Variants in BST1 observed in about 807,000 individuals in gnomAD.
The protein encoded by BST1 is ADP-ribosyl cyclase/cyclic ADP-ribose hydrolase 2.
BST1 carries 49 observed loss-of-function variants against 40.6 expected under a neutral mutation model. The ratio of observed to expected loss-of-function variants is 1.21; its 90% CI spans 0.96 to 1.53. BST1 has a LOEUF of 1.53. Among genes scored for constraint, BST1 ranks in the 40% most tolerant of loss-of-function variants. BST1 has a pLI of 0.00. For synonymous variants in BST1, 157 were observed against 159.3 expected (o/e 0.99, Z 0.11); for missense variants, 423 against 395.9 (o/e 1.07, Z -0.58).
intron 7 of BST1, among the ~76,000 whole-genome samples, chr4:15,722,262 C>T (rs116405592): frequency 6.6e-6 from 1 of 152,214 alleles, no homozygotes; most frequent in African/African-American, 2.4e-5. Context: ...ACTGTGAGAA[C>T]TTGGGTGGGT....
the BST1 span, among the ~76,000 whole-genome samples, chr4:15,756,869 A>C: frequency 6.6e-6 from 1 of 152,180 alleles, no homozygotes; most frequent in Non-Finnish European, 1.5e-5. Flanking sequence ...AAGATGTGCC[A>C]CCCCAAAATA....
downstream of BST1, among the ~76,000 whole-genome samples, chr4:15,734,537 G>A (rs746517258): frequency 1.3e-5 from 2 of 151,960 alleles, no homozygotes; most frequent in Non-Finnish European, 2.9e-5. Context: ...AAACTTAGGG[G>A]TTTACATAGC....
At chr4:15,726,748 C>T (rs1480113875) in intron 8 of BST1, among the ~76,000 whole-genome samples, 1 of 152,110 alleles carries the variant, frequency 6.6e-6, no homozygotes, top group Non-Finnish European at 1.5e-5. Flanking sequence ...CCCACTGCAC[C>T]CTACACCACC....
chr4:15,758,912 C>T, the BST1 span, among the ~76,000 whole-genome samples: 2 of 151,964 alleles, frequency 1.3e-5, no homozygotes, highest in African/African-American at 2.4e-5. Flanking sequence ...AACCTGCATG[C>T]TGGTGTTGTC....
chr4:15,768,971 T>C, the BST1 span, among the ~76,000 whole-genome samples: 1 of 152,188 alleles, frequency 6.6e-6, no homozygotes, highest in Non-Finnish European at 1.5e-5. Context: ...TATTTTCACA[T>C]TTACAATATG....
At chr4:15,771,935 C>T in the BST1 span, among the ~76,000 whole-genome samples, 45 of 152,136 alleles carry the variant, frequency 3.0e-4, no homozygotes, top group Non-Finnish European at 2.4e-4. Context: ...CTTCAACATA[C>T]ATTAGTATGT....
At chr4:15,703,649 CGCTCTAGAGGTGGGAGGTGTGTGTGT>C (rs1719683214) in intron 1 of BST1, among the ~76,000 whole-genome samples, 2 of 71,662 alleles carry the variant, frequency 2.8e-5, no homozygotes, top group Admixed American at 1.5e-4. Flanking sequence ...TGTGTGCGCG[CGCTCTAGAGGTGGGAGGTGTGTGTGT>C]GCTCTAGAGG....
At chr4:15,715,213 TAA>T in intron 4 of BST1, 70 bp from the exon 5 acceptor site, 1 of 1,395,898 alleles carries the variant, frequency 7.2e-7, no homozygotes. Context: ...TGACAATTTG[TAA>T]AAAATGCACA....
chr4:15,731,118 G>A, intron 8 of BST1: 1 of 422,260 alleles, frequency 2.4e-6, no homozygotes, highest in South Asian at 2.1e-5. Flanking sequence ...TTTTCACGTG[G>A]CCAACAGCCA....
chr4:15,710,567 C>G (rs1427854538), intron 3 of BST1, among the ~76,000 whole-genome samples: 2 of 152,092 alleles, frequency 1.3e-5, no homozygotes, highest in Non-Finnish European at 2.9e-5. Flanking sequence ...GTTGACCAAC[C>G]TCTTCCCATC....
chr4:15,754,974 C>T, the BST1 span, among the ~76,000 whole-genome samples: 1 of 152,118 alleles, frequency 6.6e-6, no homozygotes, highest in East Asian at 1.9e-4. Flanking sequence ...CTTTGTACTC[C>T]TTAATAGTAC....
chr4:15,749,842 A>G, the BST1 span, among the ~76,000 whole-genome samples: 2 of 152,066 alleles, frequency 1.3e-5, no homozygotes, highest in African/African-American at 4.8e-5. Context: ...CAATCCAGTT[A>G]TACTTTGTAA....
At chr4:15,763,794 T>C in the BST1 span, among the ~76,000 whole-genome samples, 2 of 152,002 alleles carry the variant, frequency 1.3e-5, no homozygotes, top group African/African-American at 2.4e-5. Context: ...TAAATGCATA[T>C]TGCTAAGTGA....
chr4:15,704,409 T>G (rs1043642689), intron 1 of BST1, among the ~76,000 whole-genome samples: 2 of 150,150 alleles, frequency 1.3e-5, no homozygotes, highest in African/African-American at 4.9e-5. Flanking sequence ...GATGTGTGTG[T>G]GTGTGTGTTC....
chr4:15,754,080 G>A, the BST1 span, among the ~76,000 whole-genome samples: 3 of 152,310 alleles, frequency 2.0e-5, no homozygotes, highest in East Asian at 5.8e-4. Context: ...AGGCCAAGTG[G>A]GGGGGTGTGA....
the BST1 span, among the ~76,000 whole-genome samples, chr4:15,765,698 G>T: frequency 6.6e-6 from 1 of 151,914 alleles, no homozygotes; most frequent in African/African-American, 2.4e-5. Flanking sequence ...TCTGTCTGGA[G>T]CCCTGTTCCC....
intron 1 of BST1, 32 bp downstream of exon 1, chr4:15,703,364 G>A (rs1022511316): frequency 1.5e-5 from 22 of 1,488,910 alleles, no homozygotes; most frequent in Non-Finnish European, 1.9e-5. Context: ...AAGGGGAGCC[G>A]GAAAGAGGCA....
At chr4:15,774,144 G>A in the BST1 span, among the ~76,000 whole-genome samples, 768 of 152,268 alleles carry the variant, frequency 5.0e-3, 4 homozygotes, top group Middle Eastern at 0.014. Context: ...GGAAGACCAC[G>A]TGCAGACAGA....
At chr4:15,703,476 T>C in intron 1 of BST1, 144 bp downstream of exon 1, 1 of 1,305,734 alleles carries the variant, frequency 7.7e-7, no homozygotes, top group Non-Finnish European at 9.9e-7. Flanking sequence ...GAGACAGCGA[T>C]GGTCCTGAAC....
Sources: gnomAD v4.1 joint callset for allele counts (sites outside exome capture counted in the v4.1 genomes callset) on GRCh38, gnomAD v4.1.1 for gene constraint, MANE v1.5 for transcripts, NCBI Gene and HGNC (gene_info 2026-07-23, HGNC 2026-07-21) for gene names.